Variants in VKORC1L1 observed in about 807,000 individuals in gnomAD.
The protein encoded by VKORC1L1 is vitamin K epoxide reductase complex subunit 1L1.
VKORC1L1 carries 2 observed loss-of-function variants against 18.9 expected under a neutral mutation model. The ratio of observed to expected loss-of-function variants is 0.11; its 90% CI spans 0.04 to 0.33. The LOEUF is 0.33. VKORC1L1 is among the 10% of genes least tolerant of loss of function. The pLI, the probability that VKORC1L1 is intolerant of heterozygous loss-of-function variation, is 1.00. For synonymous variants in VKORC1L1, 96 were observed against 100.0 expected (o/e 0.96, Z 0.24); for missense variants, 123 against 224.1 (o/e 0.55, Z 2.88).
chr7:65,931,559 T>C (rs1789857810), intron 1 of VKORC1L1, among the ~76,000 whole-genome samples: 1 of 152,212 alleles, frequency 6.6e-6, no homozygotes, highest in Admixed American at 6.5e-5. Context: ...CCTTCTTTCA[T>C]TTCTGATATT....
chr7:65,880,623 G>A (rs1474698493), intron 1 of VKORC1L1, among the ~76,000 whole-genome samples: 3 of 152,132 alleles, frequency 2.0e-5, no homozygotes, highest in Admixed American at 1.3e-4. Flanking sequence ...TTGGACCTGA[G>A]GTGTGGTGCT....
At position 65,957,492 on chromosome 7, in the gene VKORC1L1, AAAG is replaced by A. The variant is rs1790317432; in HGVS notation, c.*3194_*3196del. ...CGAGACTGTCCCCCCCCCAAAAAAA[AAAG>A]AGAGAGACTGCATTCAAAGAGGACC... On this transcript the variant is annotated 3_prime_UTR_variant, in exon 3 of 3. Coordinates refer to ENST00000360768, the MANE Select transcript of VKORC1L1 (RefSeq NM_173517.6). The A allele has an allele frequency of 6.6e-6, 1 of 150,866 alleles. No homozygotes were observed. Among genetic ancestry groups the A allele is most frequent in the African/African-American group, 2.4e-5 (1 of 40,884 alleles). 9.3% of individuals were successfully genotyped at this position (150,866 alleles called of 1,614,324 possible).
rs1300781120 is a variant in VKORC1L1, at chr7:65,954,123, C to T, written c.354C>T (p.Ile118=). ...CTTTGATCCTCATGACGTCCTCCATCATGTCGGTCGTGGGGTCCCTGTACC... is the reference window on the plus strand; with the variant it reads ...CTTTGATCCTCATGACGTCCTCCATTATGTCGGTCGTGGGGTCCCTGTACC... ...VAALILMTSS[I]MSVVGSLYLA... is the part of the protein sequence containing the mutation. The change falls in exon 3 of 3, where the codon ATC becomes ATT. Residue 118 remains isoleucine, a synonymous_variant. Transcript: ENST00000360768. The T allele has an allele frequency of 6.2e-7, 1 of 1,609,214 alleles. No homozygotes were observed. Among genetic ancestry groups the T allele is most frequent in the African/African-American group, 1.3e-5 (1 of 74,990 alleles).
chr7:65,899,896 A>C (rs1416981952), intron 1 of VKORC1L1, among the ~76,000 whole-genome samples: 1 of 152,086 alleles, frequency 6.6e-6, no homozygotes, highest in Non-Finnish European at 1.5e-5. Flanking sequence ...GCTACTCGGG[A>C]GGCTGAGGCA....
intron 1 of VKORC1L1, among the ~76,000 whole-genome samples, chr7:65,928,254 CTT>C (rs760146385): frequency 7.5e-5 from 8 of 106,226 alleles, no homozygotes; most frequent in Non-Finnish European, 7.9e-5. Context: ...TTTTTTCCTT[CTT>C]TTTTTTTTTT....
chr7:65,906,735 G>A lies in VKORC1L1; in HGVS notation c.194+33170G>A, dbSNP rs961670262. Among the ~76,000 whole-genome samples the A allele has an allele frequency of 4.6e-5, 7 of 152,274 alleles. No homozygotes were observed. In the South Asian group the frequency reaches 6.2e-4, roughly 14 times the overall value. ...AGTCCGTGCAACAGAAATCAGTGGCGTGAAAGTAAAGGGGAAGAGATCCAT... is the reference window on the plus strand; with the variant it reads ...AGTCCGTGCAACAGAAATCAGTGGCATGAAAGTAAAGGGGAAGAGATCCAT... On this transcript the variant is annotated intron_variant, in intron 1 of 2. Coordinates refer to ENST00000360768, the MANE Select transcript of VKORC1L1 (RefSeq NM_173517.6).
In VKORC1L1 at chr7:65,953,351, G is replaced by T. The variant is rs188583945; in HGVS notation, c.305-723G>T. On this transcript the variant is annotated intron_variant, in intron 2 of 2. Coordinates refer to ENST00000360768, the MANE Select transcript of VKORC1L1 (RefSeq NM_173517.6). Reference sequence around the variant, plus strand: ...AGCAAATTTTACTTTCCACAGATGGGCAGGATGTAGTGAAAGTCCAGAGAA... The same window carrying T: ...AGCAAATTTTACTTTCCACAGATGGTCAGGATGTAGTGAAAGTCCAGAGAA... 1.9e-3 allele frequency among the ~76,000 whole-genome samples: 286 copies of T among 152,316 alleles called. 3 individuals are homozygous for T. The highest frequency in any genetic ancestry group is 6.7e-3 in the African/African-American group (278 of 41,570).
chr7:65,933,467 G>A (rs1040620660), intron 1 of VKORC1L1, among the ~76,000 whole-genome samples: 4 of 151,656 alleles, frequency 2.6e-5, no homozygotes, highest in African/African-American at 9.7e-5. Context: ...TTTTTCTTGT[G>A]CAAAGTTTAT....
chr7:65,900,077 GTGTGTGTGTGTA>G lies in VKORC1L1; in HGVS notation c.194+26514_194+26525del, dbSNP rs1196033608. ...TGTGTGTGTGTGTGTGTGTGTGTGT[GTGTGTGTGTGTA>G]TTGAAAATACAGAAAAATAGCCAGG... On this transcript the variant is annotated intron_variant, in intron 1 of 2. Transcript: ENST00000360768. Among the ~76,000 whole-genome samples, 35 of 87,390 alleles carry G rather than the reference GTGTGTGTGTGTA, an allele frequency of 4.0e-4. No homozygotes were observed. In the East Asian group the frequency reaches 0.014, roughly 34 times the overall value. 57.3% of individuals were successfully genotyped at this position (87,390 alleles called of 152,430 possible).
chr7:65,909,488 A>G (rs1789464147), intron 1 of VKORC1L1, among the ~76,000 whole-genome samples: 1 of 152,170 alleles, frequency 6.6e-6, no homozygotes, highest in South Asian at 2.1e-4. Context: ...ATCTTTCAGC[A>G]TTAGCCAATT....
chr7:65,912,210 G>A (rs1583843567), intron 1 of VKORC1L1, among the ~76,000 whole-genome samples: 1 of 152,164 alleles, frequency 6.6e-6, no homozygotes, highest in African/African-American at 2.4e-5. Context: ...TCATTTATAG[G>A]CGTCTACTAT....
At chr7:65,896,907 G>A in intron 1 of VKORC1L1, among the ~76,000 whole-genome samples, 1 of 152,188 alleles carries the variant, frequency 6.6e-6, no homozygotes, top group Non-Finnish European at 1.5e-5. Flanking sequence ...GCTGAGGCAA[G>A]AGGATTGCTT....
intron 2 of VKORC1L1, among the ~76,000 whole-genome samples, chr7:65,949,036 A>G (rs1389078980): frequency 1.3e-5 from 2 of 151,874 alleles, no homozygotes; most frequent in African/African-American, 4.8e-5. Flanking sequence ...GGAAATTATC[A>G]CTCCCATCTT....
At chr7:65,921,847 CAAA>C in intron 1 of VKORC1L1, among the ~76,000 whole-genome samples, 1 of 129,570 alleles carries the variant, frequency 7.7e-6, no homozygotes, top group Admixed American at 7.9e-5. Flanking sequence ...GACTCCATCT[CAAA>C]AAAAAAAAAA....
intron 1 of VKORC1L1, among the ~76,000 whole-genome samples, chr7:65,891,083 T>G (rs1223165760): frequency 6.6e-6 from 1 of 151,530 alleles, no homozygotes; most frequent in South Asian, 2.1e-4. Flanking sequence ...GTGTCTGGCT[T>G]CTTTTGCCCA....
intron 1 of VKORC1L1, among the ~76,000 whole-genome samples, chr7:65,884,074 A>T (rs1788973765): frequency 6.6e-6 from 1 of 152,178 alleles, no homozygotes; most frequent in Non-Finnish European, 1.5e-5. Context: ...GTGTTTGATT[A>T]ATTTCTATAC....
chr7:65,907,472 T>C (rs759063275), intron 1 of VKORC1L1, among the ~76,000 whole-genome samples: 4 of 152,040 alleles, frequency 2.6e-5, no homozygotes, highest in Non-Finnish European at 5.9e-5. Context: ...GATTTAAATA[T>C]CTTTCCTCAT....
At chr7:65,947,053 A>C (rs1460560989) in intron 1 of VKORC1L1, among the ~76,000 whole-genome samples, 2 of 152,080 alleles carry the variant, frequency 1.3e-5, no homozygotes, top group Non-Finnish European at 2.9e-5. Flanking sequence ...CAGGAGAATC[A>C]CTTGAACCTC....
the VKORC1L1 span, among the ~76,000 whole-genome samples, chr7:65,867,654 G>A: frequency 2.1e-4 from 32 of 152,098 alleles, no homozygotes; most frequent in Non-Finnish European, 4.0e-4. Context: ...GCCTCTCCCT[G>A]TGATCTGGGC....
Sources: gnomAD v4.1 joint callset for allele counts (sites outside exome capture counted in the v4.1 genomes callset) on GRCh38, gnomAD v4.1.1 for gene constraint, MANE v1.5 for transcripts, NCBI Gene and HGNC (gene_info 2026-07-23, HGNC 2026-07-21) for gene names.